FAAH2: variants seen among roughly 807,000 people sequenced by gnomAD.
FAAH2 encodes fatty acid amide hydrolase 2.
FAAH2 carries 60 observed loss-of-function variants against 36.9 expected under a neutral mutation model. The observed-to-expected ratio is 1.63, with a 90% confidence interval of 1.32 to 2.02. The LOEUF (loss-of-function observed/expected upper bound fraction) is 2.02, where lower values mean the gene tolerates loss of function less well. Among genes scored for constraint, FAAH2 ranks in the 30% most tolerant of loss-of-function variants. The pLI is 0.00. For synonymous variants in FAAH2, 214 were observed against 143.8 expected, an observed-to-expected ratio of 1.49 and a Z score of -3.49; for missense variants, 689 against 397.5, an observed-to-expected ratio of 1.73 and a Z score of -6.23.
At chrX:57,209,486 G>C in the FAAH2 span, among the ~76,000 whole-genome samples, 1 of 111,037 alleles carries the variant, frequency 9.0e-6, no homozygotes, top group Non-Finnish European at 1.9e-5. Flanking sequence ...AGGAGCTAGG[G>C]CCTGGAAAGG....
chrX:57,303,939 G>A (rs922887161), intron 2 of FAAH2, among the ~76,000 whole-genome samples: 10 of 111,794 alleles, frequency 8.9e-5, no homozygotes, highest in African/African-American at 3.2e-4. Context: ...GGGCGCGGTG[G>A]CTCACACCTG....
intron 10 of FAAH2, among the ~76,000 whole-genome samples, chrX:57,477,402 T>A (rs933324851): frequency 9.0e-6 from 1 of 111,228 alleles, no homozygotes; most frequent in Admixed American, 9.6e-5. Flanking sequence ...GAAAAAAATC[T>A]GGACTACTAT....
chrX:57,386,091 G>A (rs1463112715), intron 7 of FAAH2, among the ~76,000 whole-genome samples: 1 of 111,422 alleles, frequency 9.0e-6, no homozygotes, highest in Admixed American at 9.6e-5. Flanking sequence ...ATCTTCATAA[G>A]TTATAAGCCC....
At chrX:57,403,239 A>G (rs1178262681) in intron 7 of FAAH2, among the ~76,000 whole-genome samples, 3 of 112,117 alleles carry the variant, frequency 2.7e-5, no homozygotes, top group African/African-American at 9.7e-5. Flanking sequence ...ACCCCTAGTA[A>G]TTTTCCAATG....
chrX:57,470,903 A>T (rs1362137845), intron 10 of FAAH2, among the ~76,000 whole-genome samples: 1 of 111,760 alleles, frequency 8.9e-6, no homozygotes, highest in Non-Finnish European at 1.9e-5. Flanking sequence ...CACCATGATC[A>T]AGTGGGCTTC....
intron 10 of FAAH2, among the ~76,000 whole-genome samples, chrX:57,484,667 G>T (rs1406519734): frequency 2.7e-5 from 3 of 111,294 alleles, no homozygotes; most frequent in Non-Finnish European, 5.7e-5. Flanking sequence ...TATTAGTGTT[G>T]CTGCTTCGTG....
intron 2 of FAAH2, among the ~76,000 whole-genome samples, chrX:57,293,557 G>A (rs1032703180): frequency 8.9e-6 from 1 of 111,895 alleles, no homozygotes; most frequent in Admixed American, 9.5e-5. Context: ...CTATGTTTCA[G>A]GAGGTCCTGA....
At chrX:57,143,627 C>G in the FAAH2 span, among the ~76,000 whole-genome samples, 2 of 110,348 alleles carry the variant, frequency 1.8e-5, no homozygotes, top group Admixed American at 9.7e-5. Context: ...TAGGAATGCA[C>G]CACCATGCTA....
chrX:57,366,448 T>C (rs2054417839), intron 5 of FAAH2, among the ~76,000 whole-genome samples: 1 of 112,278 alleles, frequency 8.9e-6, no homozygotes, highest in African/African-American at 3.2e-5. Context: ...AGCCCATTGG[T>C]GACAACACTA....
intron 10 of FAAH2, among the ~76,000 whole-genome samples, chrX:57,482,370 G>A (rs1368819666): frequency 9.0e-6 from 1 of 111,606 alleles, no homozygotes; most frequent in Non-Finnish European, 1.9e-5. Flanking sequence ...TGAAACTCAG[G>A]GCCCCGGTGG....
intron 3 of FAAH2, among the ~76,000 whole-genome samples, chrX:57,325,143 A>T (rs2053172850): frequency 1.8e-5 from 2 of 112,110 alleles, no homozygotes; most frequent in African/African-American, 6.5e-5. Context: ...GATTGCATTT[A>T]TTGATTTGTG....
At chrX:57,296,621 C>G (rs2052169341) in intron 2 of FAAH2, among the ~76,000 whole-genome samples, 2 of 111,705 alleles carry the variant, frequency 1.8e-5, no homozygotes, top group African/African-American at 6.5e-5. Context: ...TTCACGAGTT[C>G]AGAGAAGAAG....
the FAAH2 span, among the ~76,000 whole-genome samples, chrX:57,183,901 T>G: frequency 9.1e-6 from 1 of 110,413 alleles, no homozygotes; most frequent in Non-Finnish European, 1.9e-5. Flanking sequence ...TCGCTAAATT[T>G]TTTTCCTAGC....
At chrX:57,135,406 C>T in the FAAH2 span, 1 of 163,627 alleles carries the variant, frequency 6.1e-6, no homozygotes, top group East Asian at 1.7e-4. Context: ...CCCTTTCTGG[C>T]CCTTTTCCAC....
chrX:57,394,811 TC>T, intron 7 of FAAH2: 1 of 1,088,972 alleles, frequency 9.2e-7, no homozygotes, highest in Non-Finnish European at 1.3e-6. Context: ...TACCTCCTCA[TC>T]CAGATTGGCA....
the FAAH2 span, among the ~76,000 whole-genome samples, chrX:57,138,069 G>C: frequency 8.9e-6 from 1 of 111,858 alleles, no homozygotes; most frequent in Non-Finnish European, 1.9e-5. Context: ...GCATTATGTA[G>C]GCATATTTTA....
chrX:57,405,562 C>T (rs765712386), intron 7 of FAAH2, among the ~76,000 whole-genome samples: 33 of 108,074 alleles, frequency 3.1e-4, no homozygotes, highest in Non-Finnish European at 6.1e-4. Flanking sequence ...TCTGCGATGG[C>T]GGCAAACAGC....
rs370263078 is a variant in FAAH2, at chrX:57,352,037, C to CAT, written c.742+10656_742+10657dup. Among the ~76,000 whole-genome samples, 92 of 33,251 alleles carry CAT rather than the reference C, an allele frequency of 2.8e-3. 10 individuals are homozygous for CAT. Among genetic ancestry groups the CAT allele is most frequent in the East Asian group, 0.017 (3 of 173 alleles). The allele number at this position is 33,251 out of a possible 115,157, so 28.9% of individuals were successfully genotyped here. ...GTGTGTGTGTATATATATATATATA[C>CAT]ATATATATATGTGTATATATATATA... is the stretch of plus-strand genomic sequence containing the variant. On this transcript the variant is annotated intron_variant, in intron 5 of 10. Coordinates refer to ENST00000374900, the MANE Select transcript of FAAH2 (RefSeq NM_174912.4).
intron 7 of FAAH2, among the ~76,000 whole-genome samples, chrX:57,408,345 A>G (rs138848280): frequency 0.012 from 1,384 of 110,800 alleles, 7 homozygotes; most frequent in Middle Eastern, 0.057. Context: ...AATGTTATAT[A>G]GTTATTAATG....
Sources: gnomAD v4.1 joint callset for allele counts (sites outside exome capture counted in the v4.1 genomes callset) on GRCh38, gnomAD v4.1.1 for gene constraint, MANE v1.5 for transcripts, NCBI Gene and HGNC (gene_info 2026-07-23, HGNC 2026-07-21) for gene names.